LDLRAD3: variants seen among roughly 807,000 people sequenced by gnomAD.
LDLRAD3 encodes low density lipoprotein receptor class A domain containing 3.
A neutral mutation model predicts 29.4 loss-of-function variants in LDLRAD3; 20 were observed. The observed-to-expected ratio is 0.68, with a 90% confidence interval of 0.48 to 0.99. The LOEUF (loss-of-function observed/expected upper bound fraction) is 0.99. Ranked by LOEUF, LDLRAD3 falls within the 50% of genes least tolerant of loss-of-function variation. The probability of loss-of-function intolerance (pLI) is 0.00; values close to 1 mark genes in which losing one functional copy is unlikely to be tolerated. For synonymous variants in LDLRAD3, 157 were observed against 192.7 expected, an observed-to-expected ratio of 0.81 and a Z score of 1.53; for missense variants, 420 against 454.3, an observed-to-expected ratio of 0.92 and a Z score of 0.69.
intron 2 of LDLRAD3, among the ~76,000 whole-genome samples, chr11:36,043,731 T>G (rs1021261264): frequency 6.6e-6 from 1 of 152,140 alleles, no homozygotes; most frequent in Non-Finnish European, 1.5e-5. Context: ...GAGTGAGATG[T>G]CCGGTTTTTT....
At chr11:36,086,784 C>G (rs992188702) in intron 3 of LDLRAD3, among the ~76,000 whole-genome samples, 2 of 152,146 alleles carry the variant, frequency 1.3e-5, no homozygotes, top group Non-Finnish European at 2.9e-5. Context: ...TCCAAATTAC[C>G]CTTCACAGCT....
chr11:36,120,455 C>G (rs1402207665), intron 4 of LDLRAD3, among the ~76,000 whole-genome samples: 1 of 151,982 alleles, frequency 6.6e-6, no homozygotes, highest in East Asian at 1.9e-4. Flanking sequence ...CTCCTGAGCA[C>G]TTTATGCATA....
chr11:36,081,978 G>A (rs1853123237), intron 3 of LDLRAD3, among the ~76,000 whole-genome samples, 200 bp downstream of exon 3: 1 of 152,220 alleles, frequency 6.6e-6, no homozygotes, highest in African/African-American at 2.4e-5. Context: ...TCTACCAAGT[G>A]CACTGAGCCT....
chr11:36,036,145 A>G lies in LDLRAD3; in HGVS notation c.89A>G (p.Asn30Ser). The G allele has an allele frequency of 6.2e-7, 1 of 1,614,154 alleles. No individual in the cohort carries two copies. The change falls in exon 2 of 6, where the codon AAC becomes AGC. Residue 30 changes from asparagine to serine, a missense_variant. Coordinates refer to ENST00000315571, the MANE Select transcript of LDLRAD3 (RefSeq NM_174902.4). ...GGGAACAACTTCACCAATGAGTGCA[A>G]CATACCAGGCAACTTCATGTGCAGC... is the stretch of plus-strand genomic sequence containing the variant. ...LPGNNFTNECNIPGNFMCSNG... is the reference protein window; with the variant it reads ...LPGNNFTNECSIPGNFMCSNG...
chr11:36,049,890 C>T (rs956484316), intron 2 of LDLRAD3, among the ~76,000 whole-genome samples: 3 of 152,144 alleles, frequency 2.0e-5, no homozygotes, highest in African/African-American at 7.2e-5. Flanking sequence ...CTCAGATTCT[C>T]TATGAGATTT....
chr11:36,104,972 A>G (rs1853505748), intron 4 of LDLRAD3, among the ~76,000 whole-genome samples: 1 of 152,160 alleles, frequency 6.6e-6, no homozygotes, highest in African/African-American at 2.4e-5. Context: ...TTTCCATGAA[A>G]AAGAATAATG....
intron 1 of LDLRAD3, among the ~76,000 whole-genome samples, chr11:35,956,786 G>A (rs1382696235): frequency 6.6e-6 from 1 of 151,870 alleles, no homozygotes; most frequent in Non-Finnish European, 1.5e-5. Flanking sequence ...TCCCAGGCTG[G>A]GTGCAGTGGT....
intron 4 of LDLRAD3, among the ~76,000 whole-genome samples, chr11:36,193,276 C>G (rs1252518275): frequency 6.6e-6 from 1 of 152,106 alleles, no homozygotes; most frequent in Non-Finnish European, 1.5e-5. Context: ...TTATTACTTT[C>G]CTGCCTTTTC....
intron 4 of LDLRAD3, among the ~76,000 whole-genome samples, chr11:36,145,425 G>T (rs1252677250): frequency 5.4e-5 from 6 of 110,344 alleles, no homozygotes; most frequent in African/African-American, 8.1e-5. Flanking sequence ...CATCCGGGAG[G>T]TGAGGGGCGC....
intron 4 of LDLRAD3, among the ~76,000 whole-genome samples, chr11:36,168,373 G>A (rs1241617307): frequency 2.0e-5 from 3 of 152,112 alleles, no homozygotes; most frequent in African/African-American, 7.2e-5. Flanking sequence ...TCAATACGGG[G>A]TGAGGGTTAG....
intron 3 of LDLRAD3, among the ~76,000 whole-genome samples, chr11:36,095,425 C>T (rs993297091): frequency 3.4e-5 from 5 of 149,062 alleles, no homozygotes; most frequent in Non-Finnish European, 6.0e-5. Flanking sequence ...CATTATTTCA[C>T]GGTTTTACTG....
At chr11:36,173,719 G>A (rs534778348) in intron 4 of LDLRAD3, among the ~76,000 whole-genome samples, 7 of 152,214 alleles carry the variant, frequency 4.6e-5, no homozygotes, top group African/African-American at 1.7e-4. Flanking sequence ...GGATGGCTGG[G>A]TCAAATGGTA....
intron 4 of LDLRAD3, among the ~76,000 whole-genome samples, chr11:36,153,150 G>A (rs973310397): frequency 3.3e-5 from 5 of 151,966 alleles, no homozygotes; most frequent in Admixed American, 6.6e-5. Flanking sequence ...CTTGGAGGAC[G>A]CCGAGAGATG....
chr11:36,151,688 G>T, intron 4 of LDLRAD3, among the ~76,000 whole-genome samples: 1 of 152,072 alleles, frequency 6.6e-6, no homozygotes, highest in Admixed American at 6.5e-5. Flanking sequence ...AATGTATATT[G>T]GTCAAAATCC....
At chr11:36,133,996 TAC>T (rs1853968499) in intron 4 of LDLRAD3, among the ~76,000 whole-genome samples, 1 of 152,012 alleles carries the variant, frequency 6.6e-6, no homozygotes, top group Admixed American at 6.6e-5. Context: ...CATGTATGTA[TAC>T]ACACACATAC....
chr11:35,949,318 C>T (rs1851101431), intron 1 of LDLRAD3, among the ~76,000 whole-genome samples: 1 of 152,186 alleles, frequency 6.6e-6, no homozygotes, highest in Admixed American at 6.5e-5. Context: ...CACCAAAAGC[C>T]ACCTGGTTCC....
intron 4 of LDLRAD3, 124 bp downstream of exon 4, chr11:36,098,585 C>A: frequency 8.8e-7 from 1 of 1,138,574 alleles, no homozygotes; most frequent in Non-Finnish European, 1.3e-6. Context: ...AGTTTTTGCA[C>A]TCAGCCTTGC....
rs548440072 is a variant in LDLRAD3, at chr11:35,987,507, G to A, written c.46+43363G>A. Among the ~76,000 whole-genome samples, 67 of 152,238 alleles carry A rather than the reference G, an allele frequency of 4.4e-4. 1 individual carries two copies. The highest frequency in any genetic ancestry group is 1.2e-3 in the African/African-American group (49 of 41,538). ...CTCTCACTTATAAATGAGAACATACGGTATTTGGTTTTCTGTTCCTGCATG... is the reference window on the plus strand; with the variant it reads ...CTCTCACTTATAAATGAGAACATACAGTATTTGGTTTTCTGTTCCTGCATG... On this transcript the variant is annotated intron_variant, in intron 1 of 5. Coordinates refer to ENST00000315571, the MANE Select transcript of LDLRAD3 (RefSeq NM_174902.4).
At chr11:36,148,349 T>C (rs539483608) in intron 4 of LDLRAD3, among the ~76,000 whole-genome samples, 83 of 152,226 alleles carry the variant, frequency 5.5e-4, no homozygotes, top group South Asian at 4.2e-3. Context: ...CATCTGCGAG[T>C]GCTCAGATGA....
Sources: gnomAD v4.1 joint callset for allele counts (sites outside exome capture counted in the v4.1 genomes callset) on GRCh38, gnomAD v4.1.1 for gene constraint, MANE v1.5 for transcripts, NCBI Gene and HGNC (gene_info 2026-07-23, HGNC 2026-07-21) for gene names.